SAMMSON: variants seen among roughly 807,000 people sequenced by gnomAD.
SAMMSON encodes survival associated mitochondrial melanoma specific oncogenic non-coding RNA, also known as long intergenic non-protein coding RNA 1212.
intron 6 of SAMMSON, among the ~76,000 whole-genome samples, chr3:70,284,847 A>G (rs1411083673): frequency 6.6e-6 from 1 of 152,082 alleles, no homozygotes; most frequent in Non-Finnish European, 1.5e-5. Context: ...AACCCCCATG[A>G]CACAAGTTTA....
chr3:70,408,322 A>T (rs1483419376), intron 2 of SAMMSON, among the ~76,000 whole-genome samples: 1 of 152,252 alleles, frequency 6.6e-6, no homozygotes, highest in African/African-American at 2.4e-5. Context: ...ATTTTTCCTC[A>T]GAAAATGGAT....
At chr3:70,193,042 C>G (rs1008127395) in intron 4 of SAMMSON, among the ~76,000 whole-genome samples, 2 of 152,118 alleles carry the variant, frequency 1.3e-5, no homozygotes, top group African/African-American at 4.8e-5. Flanking sequence ...TCAATTGTCT[C>G]TCCAGGCTTT....
At chr3:70,246,213 A>G (rs1701707342) in intron 4 of SAMMSON, among the ~76,000 whole-genome samples, 1 of 151,966 alleles carries the variant, frequency 6.6e-6, no homozygotes, top group Admixed American at 6.6e-5. Context: ...CACCATTTTT[A>G]ATTTTTGATA....
intron 2 of SAMMSON, among the ~76,000 whole-genome samples, chr3:70,402,521 A>C (rs952179959): frequency 2.6e-5 from 4 of 152,206 alleles, no homozygotes; most frequent in African/African-American, 9.6e-5. Context: ...TTTTAACAAA[A>C]TTAGTAAAAT....
At chr3:70,302,149 G>T (rs1702355287) in intron 7 of SAMMSON, among the ~76,000 whole-genome samples, 1 of 152,054 alleles carries the variant, frequency 6.6e-6, no homozygotes, top group South Asian at 2.1e-4. Flanking sequence ...TTTCATCTTT[G>T]CTGCACATTT....
chr3:70,431,557 A>G (rs1701412652), intron 2 of SAMMSON, among the ~76,000 whole-genome samples: 1 of 152,116 alleles, frequency 6.6e-6, no homozygotes, highest in Non-Finnish European at 1.5e-5. Context: ...ACAGTAGAGT[A>G]CATTTGAATT....
rs796838820 is a variant in SAMMSON, at chr3:70,248,791, C to T, written n.508-316C>T. ...GGTGATTAACCTGGTTAATATAAAA[C>T]AAGATAGTATTGAGTAGGCTACCAT... On this transcript the variant is annotated intron_variant and non_coding_transcript_variant, in intron 4 of 9. Transcript: ENST00000642114. 6.6e-5 allele frequency among the ~76,000 whole-genome samples: 10 copies of T among 152,014 alleles called. No homozygotes were observed. In the East Asian group the frequency reaches 1.7e-3, roughly 26 times the overall value.
chr3:70,112,411 G>A (rs533134483), intron 4 of SAMMSON, among the ~76,000 whole-genome samples: 1 of 152,192 alleles, frequency 6.6e-6, no homozygotes, highest in Admixed American at 6.5e-5. Context: ...ACTAAAGGAG[G>A]GGCTTCGGGG....
At chr3:70,096,509 G>A (rs1052674395) in intron 4 of SAMMSON, among the ~76,000 whole-genome samples, 4 of 152,114 alleles carry the variant, frequency 2.6e-5, no homozygotes, top group African/African-American at 7.2e-5. Context: ...GCACCACTGC[G>A]CTCCAGCCTA....
chr3:70,309,636 T>C (rs1464855375), intron 7 of SAMMSON, among the ~76,000 whole-genome samples: 1 of 152,162 alleles, frequency 6.6e-6, no homozygotes, highest in Non-Finnish European at 1.5e-5. Flanking sequence ...TGCACCACTT[T>C]GACTTTTTTA....
intron 7 of SAMMSON, among the ~76,000 whole-genome samples, chr3:70,324,940 G>C (rs1041360033): frequency 2.7e-5 from 4 of 150,220 alleles, no homozygotes; most frequent in African/African-American, 9.8e-5. Context: ...AAAAAGAAGT[G>C]ATACGATTAG....
chr3:70,053,220 T>C (rs2067152884), intron 3 of SAMMSON, among the ~76,000 whole-genome samples: 1 of 152,144 alleles, frequency 6.6e-6, no homozygotes, highest in Non-Finnish European at 1.5e-5. Flanking sequence ...AAAGTCATTG[T>C]AGTGGTTAAA....
At chr3:70,019,509 G>A (rs574475915) in intron 3 of SAMMSON, among the ~76,000 whole-genome samples, 9 of 152,190 alleles carry the variant, frequency 5.9e-5, no homozygotes, top group South Asian at 4.1e-4. Flanking sequence ...TGAATACAGC[G>A]CACTGATGGG....
chr3:70,139,396 C>T lies in SAMMSON; in HGVS notation n.507+67831C>T, dbSNP rs141563033. Among the ~76,000 whole-genome samples the T allele has an allele frequency of 1.9e-3, 294 of 152,190 alleles. 4 individuals are homozygous for T. Among genetic ancestry groups the T allele is most frequent in the African/African-American group, 6.7e-3 (278 of 41,536 alleles). On this transcript the variant is annotated intron_variant and non_coding_transcript_variant, in intron 4 of 9. Coordinates refer to ENST00000642114, the Ensembl canonical transcript of SAMMSON. ...TATCCAGACCCACTGGGACAGTGGTCCTGTCTTCAGGACCCACTGTGGTTG... is the reference window on the plus strand; with the variant it reads ...TATCCAGACCCACTGGGACAGTGGTTCTGTCTTCAGGACCCACTGTGGTTG...
intron 4 of SAMMSON, among the ~76,000 whole-genome samples, chr3:70,180,923 A>G (rs1217581524): frequency 1.3e-5 from 2 of 152,174 alleles, no homozygotes; most frequent in Non-Finnish European, 1.5e-5. Context: ...GAAGTTAGCC[A>G]GATGAAAGAA....
intron 7 of SAMMSON, among the ~76,000 whole-genome samples, chr3:70,350,958 T>C (rs1174820957): frequency 1.3e-5 from 2 of 152,144 alleles, no homozygotes; most frequent in Admixed American, 1.3e-4. Context: ...CTCCTAAATA[T>C]GAAATGAGCT....
intron 4 of SAMMSON, among the ~76,000 whole-genome samples, chr3:70,239,326 C>G (rs1265260640): frequency 2.0e-5 from 3 of 152,152 alleles, no homozygotes; most frequent in Non-Finnish European, 4.4e-5. Context: ...AAGTCTTACC[C>G]TAGCTATTAG....
At chr3:70,040,758 G>A (rs1380019611) in intron 3 of SAMMSON, among the ~76,000 whole-genome samples, 2 of 152,132 alleles carry the variant, frequency 1.3e-5, no homozygotes, top group African/African-American at 4.8e-5. Flanking sequence ...CAATCATGGT[G>A]GCTAAGGGAG....
intron 1 of SAMMSON, among the ~76,000 whole-genome samples, chr3:70,011,094 AG>A (rs1171688774): frequency 6.6e-6 from 1 of 152,112 alleles, no homozygotes; most frequent in Non-Finnish European, 1.5e-5. Context: ...GTATTACTCA[AG>A]GGTTCTTCAC....
Sources: allele counts gnomAD v4.1 joint callset (sites outside exome capture counted in the v4.1 genomes callset), GRCh38; gene constraint gnomAD v4.1.1; transcripts MANE v1.5; gene names NCBI Gene and HGNC (gene_info 2026-07-23, HGNC 2026-07-21).